PKNOX1: variants seen among roughly 807,000 people sequenced by gnomAD.
The protein encoded by PKNOX1 is PBX/knotted 1 homeobox 1.
PKNOX1 carries 15 observed loss-of-function variants against 51.9 expected under a neutral mutation model. The ratio of observed to expected loss-of-function variants is 0.29; its 90% CI spans 0.19 to 0.45. PKNOX1 has a LOEUF of 0.45. Among genes scored for constraint, PKNOX1 ranks in the 20% least tolerant of loss-of-function variants. PKNOX1 has a pLI of 1.00. For synonymous variants in PKNOX1, 219 were observed against 211.1 expected (o/e 1.04, Z -0.32); for missense variants, 462 against 547.5 (o/e 0.84, Z 1.56).
intron 2 of PKNOX1, among the ~76,000 whole-genome samples, chr21:43,006,654 G>A (rs1007723703): frequency 2.0e-5 from 3 of 152,214 alleles, no homozygotes; most frequent in Non-Finnish European, 2.9e-5. Context: ...GCGGGTGGGC[G>A]TTCATGGCTG....
At chr21:43,002,508 G>A (rs1978807906) in intron 1 of PKNOX1, among the ~76,000 whole-genome samples, 1 of 149,974 alleles carries the variant, frequency 6.7e-6, no homozygotes, top group Non-Finnish European at 1.5e-5. Flanking sequence ...GAATGACGCT[G>A]TTGAGGGTGA....
At chr21:43,009,609 T>TG (rs1979153878) in intron 3 of PKNOX1, among the ~76,000 whole-genome samples, 1 of 4,138 alleles carries the variant, frequency 2.4e-4, no homozygotes, top group Non-Finnish European at 4.9e-4. Context: ...AGACTCCATC[T>TG]CAAAAAAAAA....
chr21:43,000,272 A>G (rs1978692208), intron 1 of PKNOX1, among the ~76,000 whole-genome samples: 1 of 152,182 alleles, frequency 6.6e-6, no homozygotes, highest in Admixed American at 6.6e-5. Flanking sequence ...TTACAGTGTT[A>G]GTCCATATTC....
At position 43,021,668 on chromosome 21, in the gene PKNOX1, C is replaced by T. The variant is rs1000464208; in HGVS notation, c.849+237C>T. The stretch of plus-strand genomic sequence containing the variant: ...CACATGTGAGGCGTACACGTGTGTC[C>T]GAGACAGCCCACCACGAAGGGTGAT... On this transcript the variant is annotated intron_variant, in intron 8 of 10. Transcript: ENST00000291547. This position sits in a 1 kb window ranked among gnomAD's most constrained non-coding sequence, Gnocchi z 4.6. Among the ~76,000 whole-genome samples the T allele has an allele frequency of 2.0e-5, 3 of 152,134 alleles. No individual in the cohort carries two copies. Among genetic ancestry groups the T allele is most frequent in the Admixed American group, 6.5e-5 (1 of 15,284 alleles).
chr21:42,992,849 G>A (rs1221631353), intron 1 of PKNOX1, among the ~76,000 whole-genome samples: 4 of 147,852 alleles, frequency 2.7e-5, no homozygotes, highest in East Asian at 2.0e-4. Context: ...TCACGGTATC[G>A]GGGGCTCCCT....
chr21:42,987,404 A>AAATATATATATATATAT, intron 1 of PKNOX1, among the ~76,000 whole-genome samples: 8 of 41,406 alleles, frequency 1.9e-4, no homozygotes, highest in African/African-American at 2.8e-4. Context: ...AAAAAAAAAA[A>AAATATATATATATATAT]ATATATATAT....
chr21:42,990,935 G>A (rs547602671), intron 1 of PKNOX1, among the ~76,000 whole-genome samples: 1 of 152,230 alleles, frequency 6.6e-6, no homozygotes, highest in South Asian at 2.1e-4. Context: ...TCACATGAGG[G>A]TCTTACCACC....
chr21:43,010,114 T>A lies in PKNOX1; in HGVS notation c.241T>A (p.Ser81Thr), dbSNP rs748297710. 1 of 1,608,060 alleles carries A rather than the reference T, an allele frequency of 6.2e-7. No homozygotes were observed. The highest frequency in any genetic ancestry group is 1.1e-5 in the South Asian group (1 of 89,576). ...AAAATGTGAACAATCTACACAGGGC[T>A]CTGAAGGCACAACTTCTGCCAGTTT... ...FEKCEQSTQGSEGTTSASFDV... is the reference protein window; with the variant it reads ...FEKCEQSTQGTEGTTSASFDV... The change falls in exon 4 of 11, where the codon TCT becomes ACT. Residue 81 changes from serine to threonine, a missense_variant. Physicochemically the swap from Ser to Thr is moderately conservative, Grantham distance 58. This residue lies in a region of PKNOX1 where 129 missense variants were observed against 133.4 expected (regional missense o/e 0.97). Coordinates refer to ENST00000291547, the MANE Select transcript of PKNOX1 (RefSeq NM_004571.5).
intron 1 of PKNOX1, among the ~76,000 whole-genome samples, chr21:42,993,659 G>GTT (rs1396808385): frequency 4.0e-4 from 5 of 12,574 alleles, no homozygotes; most frequent in South Asian, 3.3e-3. Context: ...TGTTTTTTTT[G>GTT]TTTTTTTTTT....
chr21:43,024,571 C>CT, intron 8 of PKNOX1: 2 of 300,022 alleles, frequency 6.7e-6, no homozygotes, highest in South Asian at 7.7e-5. Context: ...GGTGTAGACT[C>CT]ACCGCTGGAC....
chr21:43,001,313 A>G (rs1028514249), intron 1 of PKNOX1, among the ~76,000 whole-genome samples: 5 of 152,174 alleles, frequency 3.3e-5, no homozygotes, highest in Admixed American at 2.0e-4. Flanking sequence ...GCAAGGGTGT[A>G]CCTGTGTTGA....
chr21:42,988,129 C>G (rs1008428297), intron 1 of PKNOX1, among the ~76,000 whole-genome samples: 8 of 152,038 alleles, frequency 5.3e-5, no homozygotes, highest in African/African-American at 1.9e-4. Flanking sequence ...TCTCAGCTCA[C>G]TGCAACCTCT....
At chr21:43,011,667 T>C (rs1243192356) in intron 4 of PKNOX1, among the ~76,000 whole-genome samples, 4 of 152,212 alleles carry the variant, frequency 2.6e-5, no homozygotes, top group Admixed American at 1.3e-4. Context: ...CGAGCCATCT[T>C]GGTCCCATAT....
At position 43,030,626 on chromosome 21, in the gene PKNOX1, T is replaced by G. The variant is rs949031129; in HGVS notation, c.*525T>G. 1 of 152,710 alleles carries G rather than the reference T, an allele frequency of 6.5e-6. No homozygotes were observed. Among genetic ancestry groups the G allele is most frequent in the Non-Finnish European group, 1.5e-5 (1 of 68,078 alleles). The allele number at this position is 152,710 out of a possible 1,614,324, so 9.5% of individuals were successfully genotyped here. On this transcript the variant is annotated 3_prime_UTR_variant, in exon 11 of 11. Coordinates refer to ENST00000291547, the MANE Select transcript of PKNOX1 (RefSeq NM_004571.5). ...TTAGCAAGCCTAAGTCCCCTCATGT[T>G]CAGTGAGCCTGTTTCATTTGCTATA...
At chr21:42,989,024 C>T (rs1470663407) in intron 1 of PKNOX1, among the ~76,000 whole-genome samples, 2 of 152,168 alleles carry the variant, frequency 1.3e-5, no homozygotes, top group African/African-American at 2.4e-5. Flanking sequence ...ATGAGGACCC[C>T]CTCACTGGTC....
chr21:43,006,585 A>G lies in PKNOX1; in HGVS notation c.52-906A>G, dbSNP rs991812046. On this transcript the variant is annotated intron_variant, in intron 2 of 10. Coordinates refer to ENST00000291547, the MANE Select transcript of PKNOX1 (RefSeq NM_004571.5). Reference sequence around the variant, plus strand: ...AGCAGAATAGAAGTCATCTTATTGCAAAAACAAGACATTGGAGGGAAGAGA... The same window carrying G: ...AGCAGAATAGAAGTCATCTTATTGCGAAAACAAGACATTGGAGGGAAGAGA... Among the ~76,000 whole-genome samples the G allele has an allele frequency of 2.0e-5, 3 of 152,212 alleles. 1 individual carries two copies. Among genetic ancestry groups the G allele is most frequent in the Middle Eastern group, 6.3e-3 (2 of 316 alleles).
At chr21:42,996,013 A>C (rs1432922785) in intron 1 of PKNOX1, among the ~76,000 whole-genome samples, 2 of 152,172 alleles carry the variant, frequency 1.3e-5, no homozygotes, top group African/African-American at 2.4e-5. Context: ...CAGGAGCTTG[A>C]GACCAGCCTG....
At chr21:43,015,434 A>G (rs1234969476) in intron 5 of PKNOX1, among the ~76,000 whole-genome samples, 2 of 152,234 alleles carry the variant, frequency 1.3e-5, no homozygotes, top group African/African-American at 4.8e-5. Flanking sequence ...AATAAACTCC[A>G]CTTGGCCATG....
intron 1 of PKNOX1, among the ~76,000 whole-genome samples, chr21:43,002,760 A>G (rs1263758034): frequency 6.6e-6 from 1 of 152,194 alleles, no homozygotes; most frequent in East Asian, 1.9e-4. Context: ...TCTGTCACCC[A>G]GGCTGGAGTG....
Sources: gnomAD v4.1 joint callset for allele counts (sites outside exome capture counted in the v4.1 genomes callset) on GRCh38, gnomAD v4.1.1 for gene constraint, gnomAD v4.1.1 regional missense constraint, Gnocchi (gnomAD v3.1) non-coding constraint, MANE v1.5 for transcripts, NCBI Gene and HGNC (gene_info 2026-07-23, HGNC 2026-07-21) for gene names.